PHACTR4: variants seen among roughly 807,000 people sequenced by gnomAD.
PHACTR4 encodes the protein protein phosphatase 1, regulatory subunit 124.
PHACTR4 carries 51 observed loss-of-function variants against 72.7 expected under a neutral mutation model. The ratio of observed to expected loss-of-function variants is 0.70; its 90% CI spans 0.56 to 0.89. PHACTR4 has a LOEUF of 0.89. Among genes scored for constraint, PHACTR4 ranks in the 40% least tolerant of loss-of-function variants. The probability of loss-of-function intolerance (pLI) is 0.00; values close to 1 mark genes in which losing one functional copy is unlikely to be tolerated. For missense variants in PHACTR4, 731 were observed against 861.8 expected, an observed-to-expected ratio of 0.85 and a Z score of 1.90; for synonymous variants, 255 against 302.5, an observed-to-expected ratio of 0.84 and a Z score of 1.63.
chr1:28,429,719 T>G (rs1656112666), intron 2 of PHACTR4, among the ~76,000 whole-genome samples: 3 of 152,210 alleles, frequency 2.0e-5, no homozygotes, highest in African/African-American at 7.2e-5. Flanking sequence ...ATTGAGAGTT[T>G]AAGGATAAAT....
At chr1:28,453,674 TG>T in intron 2 of PHACTR4, 1 of 1,285,442 alleles carries the variant, frequency 7.8e-7, no homozygotes, top group Non-Finnish European at 1.1e-6. Context: ...GATTGAAAGA[TG>T]GACCCGTCCT....
At chr1:28,439,671 C>T (rs1048669193) in intron 2 of PHACTR4, among the ~76,000 whole-genome samples, 1 of 152,140 alleles carries the variant, frequency 6.6e-6, no homozygotes, top group African/African-American at 2.4e-5. Flanking sequence ...CACTCCCCAG[C>T]CTAACAGATG....
intron 1 of PHACTR4, among the ~76,000 whole-genome samples, chr1:28,373,565 C>T (rs1651412160): frequency 1.3e-5 from 2 of 152,140 alleles, no homozygotes; most frequent in African/African-American, 4.8e-5. Context: ...TCTGGGATTA[C>T]AGGCGTCAGC....
Position 28,465,749 on chromosome 1 carries a change from G to A in PHACTR4, c.336G>A (p.Gly112=). The A allele has an allele frequency of 6.2e-7, 1 of 1,613,598 alleles. No individual in the cohort carries two copies. Among genetic ancestry groups the A allele is most frequent in the Non-Finnish European group, 8.5e-7 (1 of 1,179,728 alleles). ...MLKNGHTTPI[G]NARSSSPVQV... is the part of the protein sequence containing the mutation. ...AGAATGGCCATACCACCCCCATAGG[G>A]AATGCCAGATCATCTAGTCCAGTCC... The change falls in exon 5 of 14, where the codon GGG becomes GGA. Residue 112 remains glycine, a synonymous_variant. Coordinates refer to ENST00000373839, the MANE Select transcript of PHACTR4 (RefSeq NM_001048183.3).
At chr1:28,414,797 G>C (rs1232796076) in intron 2 of PHACTR4, among the ~76,000 whole-genome samples, 2 of 152,054 alleles carry the variant, frequency 1.3e-5, no homozygotes, top group Non-Finnish European at 2.9e-5. Context: ...AGTTAGTGTA[G>C]GACAGACATT....
intron 5 of PHACTR4, 50 bp from the exon 6 acceptor site, chr1:28,466,332 T>G: frequency 6.5e-7 from 1 of 1,538,922 alleles, no homozygotes; most frequent in Non-Finnish European, 8.8e-7. Context: ...TTTTTCAGTT[T>G]CTCTTGTTAC....
At chr1:28,406,076 T>G (rs1380894142) in intron 1 of PHACTR4, among the ~76,000 whole-genome samples, 1 of 152,238 alleles carries the variant, frequency 6.6e-6, no homozygotes, top group African/African-American at 2.4e-5. Flanking sequence ...TATTTAAGGT[T>G]AATTTGAGTT....
chr1:28,377,978 A>C (rs1651815823), intron 1 of PHACTR4, among the ~76,000 whole-genome samples: 1 of 151,394 alleles, frequency 6.6e-6, no homozygotes, highest in South Asian at 2.1e-4. Context: ...CGGGCGGATC[A>C]CGAGGTCAGG....
At chr1:28,398,663 A>G (rs1341628491) in intron 1 of PHACTR4, among the ~76,000 whole-genome samples, 2 of 151,540 alleles carry the variant, frequency 1.3e-5, no homozygotes, top group Non-Finnish European at 2.9e-5. Flanking sequence ...TACCAAAAAC[A>G]CAAAAATTAG....
At chr1:28,374,282 A>G (rs1009919395) in intron 1 of PHACTR4, among the ~76,000 whole-genome samples, 59 of 152,238 alleles carry the variant, frequency 3.9e-4, no homozygotes, top group African/African-American at 1.4e-3. Flanking sequence ...GCTGAAACTA[A>G]CATTGAAGAC....
At chr1:28,441,234 T>A (rs1380998290) in intron 2 of PHACTR4, among the ~76,000 whole-genome samples, 2 of 152,102 alleles carry the variant, frequency 1.3e-5, no homozygotes, top group Non-Finnish European at 2.9e-5. Flanking sequence ...ATTTTATTTT[T>A]TTTTTACTTA....
intron 9 of PHACTR4, among the ~76,000 whole-genome samples, chr1:28,484,299 C>T (rs748328394): frequency 7.2e-5 from 11 of 151,940 alleles, no homozygotes; most frequent in Admixed American, 1.3e-4. Context: ...CCAGTCTGGA[C>T]GACAGAGTAA....
chr1:28,483,625 C>T (rs943881686), intron 9 of PHACTR4, among the ~76,000 whole-genome samples: 28 of 151,190 alleles, frequency 1.9e-4, no homozygotes, highest in African/African-American at 6.8e-4. Context: ...CACGATGAAA[C>T]CCCGTCTCTA....
chr1:28,455,198 CTTTTTTTTT>C (rs139479738), intron 2 of PHACTR4, among the ~76,000 whole-genome samples: 10 of 85,974 alleles, frequency 1.2e-4, no homozygotes, highest in African/African-American at 1.7e-4. Flanking sequence ...TTCTTTCTTT[CTTTTTTTTT>C]TTTTTTTTTT....
At chr1:28,446,312 A>G (rs1657463675) in intron 2 of PHACTR4, among the ~76,000 whole-genome samples, 4 of 152,158 alleles carry the variant, frequency 2.6e-5, no homozygotes. Context: ...TAAATAGGCC[A>G]TTAATAAGGT....
intron 2 of PHACTR4, among the ~76,000 whole-genome samples, chr1:28,415,569 G>A (rs1320761114): frequency 6.6e-6 from 1 of 152,150 alleles, no homozygotes; most frequent in African/African-American, 2.4e-5. Context: ...AGGTGGAGGA[G>A]GATCTGCATA....
chr1:28,491,634 G>C lies in PHACTR4; in HGVS notation c.1879-16G>C. ...AATTATTGGCTTGGTGAACTAAGAGGCTCCGTTTCCTTCAGCTCAGTCAAA... is the reference window on the plus strand; with the variant it reads ...AATTATTGGCTTGGTGAACTAAGAGCCTCCGTTTCCTTCAGCTCAGTCAAA... On this transcript the variant is annotated splice_polypyrimidine_tract_variant and intron_variant, in intron 11 of 13. Transcript: ENST00000373839. 2.5e-6 allele frequency: 4 copies of C among 1,613,848 alleles called. No individual in the cohort carries two copies. The highest frequency in any genetic ancestry group is 3.4e-6 in the Non-Finnish European group (4 of 1,179,838).
intron 1 of PHACTR4, among the ~76,000 whole-genome samples, chr1:28,396,662 CTT>C (rs1332701722): frequency 4.3e-5 from 6 of 141,158 alleles, no homozygotes; most frequent in Admixed American, 7.2e-5. Flanking sequence ...TAGTGATGTG[CTT>C]TTTTTTTTTT....
chr1:28,370,730 G>T (rs1007409097), intron 1 of PHACTR4, among the ~76,000 whole-genome samples: 1 of 152,042 alleles, frequency 6.6e-6, no homozygotes, highest in African/African-American at 2.4e-5. Flanking sequence ...TTCAGTGGAA[G>T]AATTTGCTTT....
Sources: gnomAD v4.1 joint callset for allele counts (sites outside exome capture counted in the v4.1 genomes callset) on GRCh38, gnomAD v4.1.1 for gene constraint, MANE v1.5 for transcripts, NCBI Gene and HGNC (gene_info 2026-07-23, HGNC 2026-07-21) for gene names.